Variants in PHF8 observed in about 807,000 individuals in gnomAD.
PHF8 encodes histone lysine demethylase PHF8.
In PHF8, 9 loss-of-function variants were observed where a neutral mutation model predicts 74.4. The ratio of observed to expected loss-of-function variants is 0.12; its 90% CI spans 0.07 to 0.21. The LOEUF (loss-of-function observed/expected upper bound fraction) is 0.21, where lower values mean the gene tolerates loss of function less well. PHF8 is among the 10% of genes least tolerant of loss of function. PHF8 has a pLI of 1.00. For missense variants in PHF8, 478 were observed against 816.6 expected (o/e 0.59, Z 5.05); for synonymous variants, 311 against 316.6 (o/e 0.98, Z 0.19).
At chrX:53,977,937 C>G (rs1290809767) in intron 18 of PHF8, among the ~76,000 whole-genome samples, 1 of 103,645 alleles carries the variant, frequency 9.6e-6, no homozygotes, top group Non-Finnish European at 2.0e-5. Context: ...TCAGCCACTG[C>G]GCCCGGCCTT....
At chrX:53,958,775 CAAAAAAAA>C (rs1203323417) in intron 19 of PHF8, among the ~76,000 whole-genome samples, 1 of 13,169 alleles carries the variant, frequency 7.6e-5, no homozygotes, top group Non-Finnish European at 1.5e-4. Context: ...GACTCCCTCT[CAAAAAAAA>C]AAAAAAAAAA....
intron 8 of PHF8, among the ~76,000 whole-genome samples, chrX:54,004,507 AATC>A (rs2065869219): frequency 8.9e-6 from 1 of 112,331 alleles, no homozygotes; most frequent in African/African-American, 3.2e-5. Flanking sequence ...ATTTGAAAGA[AATC>A]ATCATAAGAA....
intron 2 of PHF8, among the ~76,000 whole-genome samples, chrX:54,030,806 C>G (rs1485911697): frequency 8.9e-6 from 1 of 112,106 alleles, no homozygotes; most frequent in Admixed American, 9.5e-5. Context: ...GGGTTTGAAT[C>G]TCACCTCTGC....
intron 19 of PHF8, among the ~76,000 whole-genome samples, chrX:53,960,673 C>T (rs1443104474): frequency 2.8e-5 from 3 of 108,171 alleles, no homozygotes; most frequent in Non-Finnish European, 3.8e-5. Flanking sequence ...AGCTTGAACC[C>T]GGGAGGCGGA....
intron 2 of PHF8, among the ~76,000 whole-genome samples, chrX:54,036,102 CAAAAAAAA>C (rs1159910510): frequency 3.8e-5 from 1 of 26,217 alleles, no homozygotes; most frequent in East Asian, 1.2e-3. Flanking sequence ...AACTCCATCT[CAAAAAAAA>C]AAAAAAAAAA....
chrX:54,046,029 C>T (rs1401737170), upstream of PHF8, among the ~76,000 whole-genome samples: 1 of 109,360 alleles, frequency 9.1e-6, no homozygotes, highest in South Asian at 4.0e-4. Context: ...GCTCACTGCA[C>T]CCTAGAACTC....
rs2064689837 is a variant in PHF8, at chrX:53,937,824, T to C, written c.*1334A>G. On this transcript the variant is annotated 3_prime_UTR_variant, in exon 22 of 22. Coordinates refer to ENST00000338154, the MANE Select transcript of PHF8 (RefSeq NM_015107.3). ...TGGAAAGGGCAAGGGTACACTCCAC[T>C]TGGGTAGTGCCAAATGGAGGTGGGG... 7 of 474,962 alleles carry C rather than the reference T, an allele frequency of 1.5e-5. No individual in the cohort carries two copies. The highest frequency in any genetic ancestry group is 2.2e-5 in the Non-Finnish European group (6 of 273,038). 39.1% of individuals were successfully genotyped at this position (474,962 alleles called of 1,213,427 possible).
At chrX:54,030,302 C>G in intron 2 of PHF8, among the ~76,000 whole-genome samples, 1 of 111,605 alleles carries the variant, frequency 9.0e-6, no homozygotes, top group East Asian at 2.8e-4. Flanking sequence ...AATCGGGCTT[C>G]TGGCTGCACT....
At chrX:54,007,276 G>A (rs1291432418) in intron 8 of PHF8, among the ~76,000 whole-genome samples, 4 of 111,730 alleles carry the variant, frequency 3.6e-5, no homozygotes, top group Non-Finnish European at 7.5e-5. Flanking sequence ...ATGGATGAAA[G>A]ATCTAAATGT....
chrX:53,957,310 G>A (rs375691034), intron 19 of PHF8, among the ~76,000 whole-genome samples: 54 of 109,480 alleles, frequency 4.9e-4, no homozygotes, highest in Admixed American at 4.2e-3. Context: ...CCGGGATCTC[G>A]CCACTGCACT....
At chrX:53,946,122 T>C (rs1370647950) in intron 19 of PHF8, among the ~76,000 whole-genome samples, 1 of 112,526 alleles carries the variant, frequency 8.9e-6, no homozygotes, top group African/African-American at 3.2e-5. Flanking sequence ...CTACTAAATG[T>C]AGAAGGAATG....
intron 2 of PHF8, among the ~76,000 whole-genome samples, chrX:54,036,704 G>A (rs5960582): frequency 9.7e-6 from 1 of 103,037 alleles, no homozygotes; most frequent in Non-Finnish European, 2.0e-5. Flanking sequence ...GCTTACATTA[G>A]AAAAGAAAGA....
chrX:54,012,775 AAAT>A (rs781799294), intron 7 of PHF8, among the ~76,000 whole-genome samples: 2 of 110,589 alleles, frequency 1.8e-5, no homozygotes, highest in South Asian at 3.9e-4. Flanking sequence ...GTCTCTACAA[AAAT>A]AATTTTTTTT....
intron 14 of PHF8, 107 bp from the exon 15 acceptor site, chrX:53,988,051 A>G: frequency 1.6e-6 from 1 of 618,445 alleles, no homozygotes; most frequent in Non-Finnish European, 2.6e-6. Flanking sequence ...ATCCCTATCA[A>G]AATCCAGCCA....
chrX:53,988,382 C>T (rs1407974756), intron 14 of PHF8, among the ~76,000 whole-genome samples: 4 of 110,681 alleles, frequency 3.6e-5, no homozygotes, highest in African/African-American at 1.3e-4. Flanking sequence ...AAATGTGGAC[C>T]CTTATCTCAC....
intron 10 of PHF8, among the ~76,000 whole-genome samples, chrX:54,001,922 G>C (rs1267198580): frequency 9.0e-6 from 1 of 110,535 alleles, no homozygotes. Context: ...TCTCAAAAAA[G>C]AAGGGGCTCG....
chrX:54,027,826 G>A (rs1302115212), intron 2 of PHF8, among the ~76,000 whole-genome samples: 1 of 110,963 alleles, frequency 9.0e-6, no homozygotes, highest in Admixed American at 9.7e-5. Context: ...TGCCCTCATA[G>A]AGCTGATGTT....
At chrX:54,000,099 T>C in intron 10 of PHF8, 138 bp from the exon 11 acceptor site, 1 of 510,404 alleles carries the variant, frequency 2.0e-6, no homozygotes, top group Admixed American at 2.7e-5. Context: ...TCTGATAGTG[T>C]TCATTCACTG....
intron 19 of PHF8, 93 bp from the exon 20 acceptor site, chrX:53,944,336 A>T (rs1238345498): frequency 3.2e-6 from 2 of 626,951 alleles, no homozygotes; most frequent in Admixed American, 5.4e-5. Flanking sequence ...AGGTACTCTC[A>T]TTGGTCTTCC....
Sources: gnomAD v4.1 joint callset for allele counts (sites outside exome capture counted in the v4.1 genomes callset) on GRCh38, gnomAD v4.1.1 for gene constraint, MANE v1.5 for transcripts, NCBI Gene and HGNC (gene_info 2026-07-23, HGNC 2026-07-21) for gene names.